CCDC125: variants seen among roughly 807,000 people sequenced by gnomAD.
CCDC125 encodes coiled-coil domain-containing protein 125.
A neutral mutation model predicts 57.4 loss-of-function variants in CCDC125; 43 were observed. The observed-to-expected ratio is 0.75, with a 90% confidence interval of 0.59 to 0.97. CCDC125 has a LOEUF of 0.97. Among genes scored for constraint, CCDC125 ranks in the 50% least tolerant of loss-of-function variants. The pLI is 0.00. For synonymous variants in CCDC125, 187 were observed against 195.2 expected (o/e 0.96, Z 0.35); for missense variants, 563 against 595.7 (o/e 0.95, Z 0.57).
rs758555740 is a variant in CCDC125, at chr5:69,311,135, T to C, written c.436A>G (p.Lys146Glu). The stretch of plus-strand genomic sequence containing the variant: ...CTTCTTACCATGCTTTGAAGAATTT[T>C]CAATGCTTCCTCTTTACCTCTGAGT... ...RQLRGKEEAL[K>E]ILQSMAILGK... Residue 146 changes from lysine (K) to glutamate (E), a missense_variant, in exon 4 of 12, where the codon AAA (lysine) becomes GAA (glutamate). Coordinates refer to ENST00000396496, the MANE Select transcript of CCDC125 (RefSeq NM_176816.5). The C allele has an allele frequency of 1.9e-6, 3 of 1,606,598 alleles. No homozygotes were observed. The highest frequency in any genetic ancestry group is 2.2e-5 in the South Asian group (2 of 90,304).
intron 10 of CCDC125, among the ~76,000 whole-genome samples, chr5:69,286,202 AT>A (rs1753350184): frequency 2.5e-5 from 2 of 81,174 alleles, no homozygotes; most frequent in African/African-American, 8.8e-5. Context: ...ATATATATAT[AT>A]ATATATATAT....
intron 10 of CCDC125, among the ~76,000 whole-genome samples, chr5:69,288,739 A>AG (rs1408845676): frequency 6.6e-6 from 1 of 152,124 alleles, no homozygotes. Flanking sequence ...TGTGCTTTTG[A>AG]CTGGCATTTG....
At chr5:69,327,255 C>T (rs941583756) in intron 1 of CCDC125, among the ~76,000 whole-genome samples, 26 of 151,718 alleles carry the variant, frequency 1.7e-4, no homozygotes, top group East Asian at 1.2e-3. Flanking sequence ...CCACCACGCC[C>T]GGCTAATTTT....
intron 2 of CCDC125, among the ~76,000 whole-genome samples, chr5:69,314,872 A>G (rs1391902994): frequency 7.9e-6 from 1 of 126,684 alleles, no homozygotes; most frequent in African/African-American, 2.5e-5. Context: ...TTCAAACAAA[A>G]ATAAAGAAAA....
chr5:69,330,895 C>T (rs902006297), intron 1 of CCDC125, among the ~76,000 whole-genome samples: 2 of 152,148 alleles, frequency 1.3e-5, no homozygotes, highest in Non-Finnish European at 2.9e-5. Context: ...CATACTGCTG[C>T]CAAGTCAATA....
intron 4 of CCDC125, chr5:69,308,902 G>A (rs1757740110): frequency 6.2e-6 from 1 of 160,774 alleles, no homozygotes; most frequent in South Asian, 1.9e-4. Context: ...GAACTTGTTG[G>A]GAACTAGAGT....
At position 69,330,077 on chromosome 5, in the gene CCDC125, C is replaced by T. The variant is rs1194733968; in HGVS notation, c.-41+2572G>A. Among the ~76,000 whole-genome samples, 5 of 152,292 alleles carry T rather than the reference C, an allele frequency of 3.3e-5. No homozygotes were observed. The East Asian group carries it at 7.7e-4, about 24-fold the overall frequency. On this transcript the variant is annotated intron_variant, in intron 1 of 11. Coordinates refer to ENST00000396496, the MANE Select transcript of CCDC125 (RefSeq NM_176816.5). ...TCAGTCTCCTCTACCTTTGCAGGAG[C>T]TGTGACACTACTGACTCACTAAGTC...
intron 6 of CCDC125, among the ~76,000 whole-genome samples, chr5:69,305,688 G>A (rs985221491): frequency 2.0e-5 from 3 of 152,142 alleles, no homozygotes; most frequent in African/African-American, 7.2e-5. Context: ...GGAGACTACT[G>A]TTCAGAGAAT....
chr5:69,287,970 TCTTC>T (rs1157933654), intron 10 of CCDC125, among the ~76,000 whole-genome samples: 1 of 152,208 alleles, frequency 6.6e-6, no homozygotes, highest in African/African-American at 2.4e-5. Context: ...TTTGTGGGAA[TCTTC>T]CTTAGATTTG....
chr5:69,297,106 CA>C (rs1467677968), intron 8 of CCDC125, among the ~76,000 whole-genome samples: 10 of 152,304 alleles, frequency 6.6e-5, no homozygotes, highest in Non-Finnish European at 1.2e-4. Flanking sequence ...CGCTCTGTCA[CA>C]TAGGCTGGAG....
chr5:69,314,549 T>C (rs553459153), intron 2 of CCDC125, among the ~76,000 whole-genome samples: 2 of 152,246 alleles, frequency 1.3e-5, no homozygotes, highest in African/African-American at 4.8e-5. Context: ...TACTGTACTT[T>C]TGAATAAAAA....
downstream of CCDC125, chr5:69,280,170 A>G (rs1752395295): frequency 6.6e-6 from 1 of 152,180 alleles, no homozygotes; most frequent in Admixed American, 6.5e-5. Context: ...GGAAATGACC[A>G]TTTTCTCATG....
intron 7 of CCDC125, among the ~76,000 whole-genome samples, chr5:69,300,704 A>G (rs1756254135): frequency 6.6e-6 from 1 of 152,058 alleles, no homozygotes; most frequent in African/African-American, 2.4e-5. Context: ...TATCTCACAC[A>G]GGAGACATCT....
chr5:69,314,720 CTT>C, intron 2 of CCDC125, among the ~76,000 whole-genome samples: 1 of 152,106 alleles, frequency 6.6e-6, no homozygotes, highest in African/African-American at 2.4e-5. Flanking sequence ...GGGAGGATCA[CTT>C]AAGTCCAGGA....
chr5:69,322,270 G>A lies in CCDC125; in HGVS notation c.-40-1690C>T, dbSNP rs532628791. ...GAGTAGCTCGGATGACAGGAGTGAG[G>A]CACCACGTGGGGGTGGGGAGCAGAT... On this transcript the variant is annotated intron_variant, in intron 1 of 11. Coordinates refer to ENST00000396496, the MANE Select transcript of CCDC125 (RefSeq NM_176816.5). 1.4e-4 allele frequency among the ~76,000 whole-genome samples: 22 copies of A among 152,108 alleles called. No individual in the cohort carries two copies. In the South Asian group the frequency reaches 4.4e-3, roughly 30 times the overall value.
chr5:69,327,522 T>G (rs909859606), intron 1 of CCDC125, among the ~76,000 whole-genome samples: 7 of 152,304 alleles, frequency 4.6e-5, no homozygotes, highest in African/African-American at 1.7e-4. Context: ...TCCAACCAGT[T>G]TAATGTATTC....
chr5:69,305,647 G>A lies in CCDC125; in HGVS notation c.617+1170C>T, dbSNP rs191275041. Among the ~76,000 whole-genome samples the A allele has an allele frequency of 9.2e-5, 14 of 152,254 alleles. No individual in the cohort carries two copies. In the South Asian group the frequency reaches 1.0e-3, roughly 11 times the overall value. ...CTGAGGGCAGTCACTCTCTGGCGCC[G>A]TGCTCCTTGAGGTTATCTACTGGAA... On this transcript the variant is annotated intron_variant, in intron 6 of 11. Transcript: ENST00000396496.
intron 7 of CCDC125, among the ~76,000 whole-genome samples, chr5:69,302,608 C>A (rs1372099787): frequency 6.6e-6 from 1 of 151,416 alleles, no homozygotes; most frequent in Non-Finnish European, 1.5e-5. Context: ...ACCTGTAGTC[C>A]CAGCTACTCA....
intron 11 of CCDC125, among the ~76,000 whole-genome samples, 194 bp downstream of exon 11, chr5:69,285,143 A>G (rs1410780955): frequency 6.6e-6 from 1 of 152,004 alleles, no homozygotes. Flanking sequence ...AAAAAAATAC[A>G]CTAACACTAA....
Sources: allele counts gnomAD v4.1 joint callset (sites outside exome capture counted in the v4.1 genomes callset), GRCh38; gene constraint gnomAD v4.1.1; transcripts MANE v1.5; gene names NCBI Gene and HGNC (gene_info 2026-07-23, HGNC 2026-07-21).